FLII: variants seen among roughly 807,000 people sequenced by gnomAD.
FLII encodes the protein protein flightless-1 homolog.
In FLII, 101 loss-of-function variants were observed where a neutral mutation model predicts 156.2. The observed-to-expected ratio is 0.65, with a 90% CI of 0.55 to 0.76. The LOEUF (loss-of-function observed/expected upper bound fraction) is 0.76. Ranked by LOEUF, FLII falls within the 30% of genes least tolerant of loss-of-function variation. The pLI is 0.00. For missense variants in FLII, 1,675 were observed against 1,682.8 expected (o/e 1.00, Z 0.08); for synonymous variants, 767 against 685.8 (o/e 1.12, Z -1.85).
Position 18,245,424 on chromosome 17 carries a change from G to C in FLII, c.3610-5C>G. ...GGTCCCCACCCACATGTAGACCTGT[G>C]GGGGCAGCAGGGGAGATACGGTTGC... On this transcript the variant is annotated splice_region_variant and splice_polypyrimidine_tract_variant and intron_variant, in intron 28 of 29. Transcript: ENST00000327031. 3 of 1,613,946 alleles carry C rather than the reference G, an allele frequency of 1.9e-6. No homozygotes were observed. Among genetic ancestry groups the C allele is most frequent in the Non-Finnish European group, 2.5e-6 (3 of 1,179,930 alleles).
Position 18,245,989 on chromosome 17 carries a change from G to A in FLII, c.3341C>T (p.Ala1114Val). The A allele has an allele frequency of 1.9e-6, 3 of 1,614,040 alleles. No homozygotes were observed. The highest frequency in any genetic ancestry group is 2.5e-6 in the Non-Finnish European group (3 of 1,179,994). ...WVGRASDPDE[A>V]KLAEDILNTM... ...GTTCAGGATGTCTTCTGCCAACTTG[G>A]CTTCGTCAGGGTCTGATGCCCGGCC... The change falls in exon 26 of 30, where the codon GCC (alanine) becomes GTC (valine). Residue 1114 changes from alanine (A) to valine (V), a missense_variant. Around this residue, in one of 2 missense-constraint regions of FLII, gnomAD observed 1,332 missense variants for 1,269.3 expected, o/e 1.05. Coordinates refer to ENST00000327031, the MANE Select transcript of FLII (RefSeq NM_002018.4).
In FLII at chr17:18,254,678, C is replaced by G; in HGVS notation, c.418G>C (p.Asp140His). 1 of 1,613,738 alleles carries G rather than the reference C, an allele frequency of 6.2e-7. No individual in the cohort carries two copies. The highest frequency in any genetic ancestry group is 2.2e-5 in the East Asian group (1 of 44,842). ...LVLNLSHNSI[D>H]TIPNQLFINL... ...ATGAAGAGCTGGTTGGGGATGGTGT[C>G]GATGCTACGGGTGGGGAGCAGGAGC... Residue 140 changes from aspartate (D) to histidine (H), a missense_variant, in exon 6 of 30, where the codon GAC becomes CAC. By Grantham distance (81) the Asp-to-His change is moderately conservative (BLOSUM62 -1). Coordinates refer to ENST00000327031, the MANE Select transcript of FLII (RefSeq NM_002018.4).
Position 18,246,339 on chromosome 17 carries a change from T to C in FLII, c.3175A>G (p.Ile1059Val). 1 of 1,613,878 alleles carries C rather than the reference T, an allele frequency of 6.2e-7. No individual in the cohort carries two copies. Among genetic ancestry groups the C allele is most frequent in the Non-Finnish European group, 8.5e-7 (1 of 1,180,006 alleles). Reference protein sequence around the residue: ...QGAQQPSLYQIRTNGSALCTR... With the variant: ...QGAQQPSLYQVRTNGSALCTR... ...CAGAGGGCGCTGCCGTTGGTGCGGATCTGGTAGAGGCTGGGCTGTTGGGCG... is the reference window on the plus strand; with the variant it reads ...CAGAGGGCGCTGCCGTTGGTGCGGACCTGGTAGAGGCTGGGCTGTTGGGCG... The change falls in exon 24 of 30, where the codon ATC (isoleucine) becomes GTC (valine). Residue 1059 changes from isoleucine to valine, a missense_variant. By Grantham distance (29) the Ile-to-Val change is conservative. Coordinates refer to ENST00000327031, the MANE Select transcript of FLII (RefSeq NM_002018.4).
chr17:18,246,980 ACTT>A lies in FLII; in HGVS notation c.2746_2748del (p.Lys916del). 1 of 1,613,942 alleles carries A rather than the reference ACTT, an allele frequency of 6.2e-7. No individual in the cohort carries two copies. Among genetic ancestry groups the A allele is most frequent in the Non-Finnish European group, 8.5e-7 (1 of 1,179,970 alleles). On this transcript the variant is annotated inframe_deletion, in exon 22 of 30. Coordinates refer to ENST00000327031, the MANE Select transcript of FLII (RefSeq NM_002018.4). Reference sequence around the variant, plus strand: ...AACTCCTCTTCCGGCAGCCGCGCAAACTTCTTGCCCTCCAGCACGAAACCCTCC... The same window carrying A: ...AACTCCTCTTCCGGCAGCCGCGCAAACTTGCCCTCCAGCACGAAACCCTCC...
At position 18,253,401 on chromosome 17, in the gene FLII, C is replaced by T. The variant is rs747162387; in HGVS notation, c.913G>A (p.Asp305Asn). 7 of 1,613,892 alleles carry T rather than the reference C, an allele frequency of 4.3e-6. No homozygotes were observed. In the East Asian group the frequency reaches 8.9e-5, roughly 21 times the overall value. The change falls in exon 9 of 30, where the codon GAC becomes AAC. Residue 305 changes from aspartate (D) to asparagine (N), a missense_variant. Asp to Asn is a conservative substitution (Grantham distance 23, BLOSUM62 1). This residue lies in a region of FLII where 343 missense variants were observed against 413.5 expected (regional missense o/e 0.83). Coordinates refer to ENST00000327031, the MANE Select transcript of FLII (RefSeq NM_002018.4). The stretch of plus-strand genomic sequence containing the variant: ...ATGCCTGAGGGCAGCCCGTCAAAGT[C>T]CAGCTTGTTGGAATTCAGGTACAGC... ...KKLYLNSNKL[D>N]FDGLPSGIGK... is the part of the protein sequence containing the mutation.
At position 18,258,602 on chromosome 17, in the gene FLII, C is replaced by A; in HGVS notation, c.63+26G>T. 1.3e-6 allele frequency: 2 copies of A among 1,546,366 alleles called. No individual in the cohort carries two copies. The highest frequency in any genetic ancestry group is 1.7e-6 in the Non-Finnish European group (2 of 1,155,666). On this transcript the variant is annotated intron_variant, in intron 1 of 29. Transcript: ENST00000327031. The surrounding 1 kb of genome is among the most constrained non-coding windows in gnomAD (Gnocchi z 4.2). Reference sequence around the variant, plus strand: ...GCGGAAGAGAAGGCCTGCAGGGAGGCCCGGCACGCGCCCGGCCCGGCTCAC... The same window carrying A: ...GCGGAAGAGAAGGCCTGCAGGGAGGACCGGCACGCGCCCGGCCCGGCTCAC...
At chr17:18,258,762 G>T, upstream of FLII, 1 of 1,125,336 alleles carries the variant, frequency 8.9e-7, no homozygotes, top group South Asian at 3.1e-5. This position sits in a 1 kb window ranked among gnomAD's most constrained non-coding sequence, Gnocchi z 4.2. Flanking sequence ...GGAGCCGCGG[G>T]CTGGGCCAGC....
chr17:18,253,543 C>T lies in FLII; in HGVS notation c.855+1G>A, dbSNP rs1287220430. The T allele has an allele frequency of 1.9e-6, 3 of 1,612,784 alleles. No individual in the cohort carries two copies. The highest frequency in any genetic ancestry group is 4.5e-5 in the East Asian group (2 of 44,868). ...CCCCCTACTGAGGGCCTCAGACGCA[C>T]GGGCAGTGAGGTGAGCTGATTTCGG... is the stretch of plus-strand genomic sequence containing the variant. On this transcript the variant is annotated splice_donor_variant, in intron 8 of 29. Coordinates refer to ENST00000327031, the MANE Select transcript of FLII (RefSeq NM_002018.4). LOFTEE classifies it high-confidence loss of function.
intron 3 of FLII, 51 bp from the exon 4 acceptor site, chr17:18,255,314 G>T (rs1302636476): frequency 6.8e-7 from 1 of 1,474,680 alleles, no homozygotes; most frequent in Non-Finnish European, 9.4e-7. Flanking sequence ...CTCTCAGGAA[G>T]GAACAGAGTC....
chr17:18,256,204 GA>G (rs1220750218), intron 3 of FLII, among the ~76,000 whole-genome samples: 3 of 152,246 alleles, frequency 2.0e-5, no homozygotes, highest in Non-Finnish European at 4.4e-5. Context: ...TAGAGCATAT[GA>G]AAAAATCCTA....
At chr17:18,254,918 T>C in intron 4 of FLII, 64 bp from the exon 5 acceptor site, 1 of 1,539,624 alleles carries the variant, frequency 6.5e-7, no homozygotes, top group Non-Finnish European at 9.0e-7. Flanking sequence ...CTGCCAAGCT[T>C]GGGGATCAGG....
chr17:18,245,436 G>T lies in FLII; in HGVS notation c.3610-17C>A. 1 of 1,613,938 alleles carries T rather than the reference G, an allele frequency of 6.2e-7. No homozygotes were observed. Among genetic ancestry groups the T allele is most frequent in the Non-Finnish European group, 8.5e-7 (1 of 1,179,792 alleles). On this transcript the variant is annotated splice_polypyrimidine_tract_variant and intron_variant, in intron 28 of 29. Coordinates refer to ENST00000327031, the MANE Select transcript of FLII (RefSeq NM_002018.4). ...CATGTAGACCTGTGGGGGCAGCAGGGGAGATACGGTTGCATGGGTGCCTGG... is the reference window on the plus strand; with the variant it reads ...CATGTAGACCTGTGGGGGCAGCAGGTGAGATACGGTTGCATGGGTGCCTGG...
intron 3 of FLII, 64 bp from the exon 4 acceptor site, chr17:18,255,327 G>A (rs2048383058): frequency 1.5e-6 from 2 of 1,350,100 alleles, no homozygotes; most frequent in Non-Finnish European, 2.1e-6. Context: ...ACAGAGTCTA[G>A]AGAGGGACAC....
intron 9 of FLII, 74 bp from the exon 10 acceptor site, chr17:18,252,630 C>T (rs1434095452): frequency 8.2e-7 from 1 of 1,217,046 alleles, no homozygotes; most frequent in African/African-American, 1.5e-5. Flanking sequence ...ACCCCTAGTC[C>T]TGGGGAGGGG....
rs756725605 is a variant in FLII, at chr17:18,252,512, A to C, written c.1058T>G (p.Val353Gly). The change falls in exon 10 of 30, where the codon GTG becomes GGG. Residue 353 changes from valine to glycine, a missense_variant. Coordinates refer to ENST00000327031, the MANE Select transcript of FLII (RefSeq NM_002018.4). Reference protein sequence around the residue: ...RKLVLNKNHLVTLPEAIHFLT... With the variant: ...RKLVLNKNHLGTLPEAIHFLT... ...GAAATGGATGGCTTCTGGGAGGGTC[A>C]CCAGGTGGTTCTTGTTCAGGACAAG... 3.5e-5 allele frequency: 56 copies of C among 1,613,756 alleles called. No individual in the cohort carries two copies. The South Asian group carries it at 3.7e-4, about 11-fold the overall frequency.
Position 18,254,824 on chromosome 17 carries a change from G to A in FLII, c.358C>T (p.Pro120Ser), listed in dbSNP as rs1261942277. Residue 120 changes from proline (P) to serine (S), a missense_variant, in exon 5 of 30, where the codon CCG (proline) becomes TCG (serine). By Grantham distance (74) the Pro-to-Ser change is moderately conservative (BLOSUM62 -1). Coordinates refer to ENST00000327031, the MANE Select transcript of FLII (RefSeq NM_002018.4). ...DLSHNQLTEC[P>S]RELENAKNML... ...TTCTTGGCGTTCTCCAGCTCCCGCG[G>A]GCACTCTGTCAGCTGGTTGTGGCTC... is the stretch of plus-strand genomic sequence containing the variant. The A allele has an allele frequency of 1.9e-6, 3 of 1,614,170 alleles. No individual in the cohort carries two copies. Among genetic ancestry groups the A allele is most frequent in the Admixed American group, 1.7e-5 (1 of 60,024 alleles).
chr17:18,255,680 C>T (rs2048394634), intron 3 of FLII, among the ~76,000 whole-genome samples: 1 of 152,106 alleles, frequency 6.6e-6, no homozygotes, highest in South Asian at 2.1e-4. Flanking sequence ...GACACCTCCT[C>T]ATACCTTACA....
Position 18,254,185 on chromosome 17 carries a change from G to T in FLII, c.576-3C>A. 6.2e-7 allele frequency: 1 copy of T among 1,601,544 alleles called. No homozygotes were observed. The highest frequency in any genetic ancestry group is 8.5e-7 in the Non-Finnish European group (1 of 1,173,786). On this transcript the variant is annotated splice_region_variant and splice_polypyrimidine_tract_variant and intron_variant, in intron 6 of 29. Coordinates refer to ENST00000327031, the MANE Select transcript of FLII (RefSeq NM_002018.4). Reference sequence around the variant, plus strand: ...GGGCCGTCATCGCTGGGAGCTGCCTGCCAGGGTGACGTGAGTGGTCAGGGC... The same window carrying T: ...GGGCCGTCATCGCTGGGAGCTGCCTTCCAGGGTGACGTGAGTGGTCAGGGC...
At chr17:18,255,089 A>G in intron 4 of FLII, 94 bp downstream of exon 4, 1 of 1,109,874 alleles carries the variant, frequency 9.0e-7, no homozygotes, top group Non-Finnish European at 1.4e-6. Flanking sequence ...CCCATCTGCA[A>G]AATGGGATAA....
Sources: allele counts gnomAD v4.1 joint callset (sites outside exome capture counted in the v4.1 genomes callset), GRCh38; gene constraint gnomAD v4.1.1; regional missense constraint gnomAD v4.1.1; non-coding constraint Gnocchi (gnomAD v3.1); transcripts MANE v1.5; gene names NCBI Gene and HGNC (gene_info 2026-07-23, HGNC 2026-07-21).